Variants in PDE4D observed in about 807,000 individuals in gnomAD.
PDE4D encodes phosphodiesterase 4D, also known as 3',5'-cyclic-AMP phosphodiesterase 4D.
PDE4D carries 24 observed loss-of-function variants against 87.4 expected under a neutral mutation model. The ratio of observed to expected loss-of-function variants is 0.27; its 90% confidence interval spans 0.20 to 0.39. PDE4D has a LOEUF of 0.39. Among genes scored for constraint, PDE4D ranks in the 10% least tolerant of loss-of-function variants. PDE4D has a pLI of 1.00. For missense variants in PDE4D, 714 were observed against 1,041.0 expected (o/e 0.69, Z 4.32); for synonymous variants, 384 against 383.2 (o/e 1.00, Z -0.02).
intron 1 of PDE4D, among the ~76,000 whole-genome samples, chr5:59,793,053 TG>T (rs1406777490): frequency 2.0e-5 from 3 of 152,162 alleles, no homozygotes; most frequent in African/African-American, 4.8e-5. Flanking sequence ...GACAGTCAAA[TG>T]GAATGTCCGA....
At chr5:60,318,924 C>T (rs1755918963) in intron 1 of PDE4D, among the ~76,000 whole-genome samples, 2 of 152,106 alleles carry the variant, frequency 1.3e-5, no homozygotes, top group South Asian at 4.1e-4. Context: ...AACATTTTTT[C>T]CTTCATTTCA....
chr5:59,181,573 A>ATATATATATAT (rs1162609708), intron 4 of PDE4D, among the ~76,000 whole-genome samples: 57 of 85,172 alleles, frequency 6.7e-4, no homozygotes, highest in Middle Eastern at 5.4e-3. Context: ...TATATATATT[A>ATATATATATAT]GGTATATAAT....
chr5:59,128,080 A>C (rs1284675208), intron 5 of PDE4D, among the ~76,000 whole-genome samples: 2 of 148,508 alleles, frequency 1.3e-5, no homozygotes, highest in African/African-American at 5.0e-5. Context: ...GAGACTAGTC[A>C]ATGCTGCTTC....
At chr5:59,535,097 T>G in intron 1 of PDE4D, among the ~76,000 whole-genome samples, 1 of 150,692 alleles carries the variant, frequency 6.6e-6, no homozygotes, top group Non-Finnish European at 1.5e-5. Flanking sequence ...TCCTCTATCA[T>G]GTATCTAGCT....
At chr5:60,412,321 T>C (rs1583667923) in intron 1 of PDE4D, among the ~76,000 whole-genome samples, 1 of 152,214 alleles carries the variant, frequency 6.6e-6, no homozygotes, top group East Asian at 1.9e-4. Flanking sequence ...ATCGTTTTTA[T>C]AGACATATTT....
chr5:59,703,971 GGAGAAAGT>G (rs1317485138), intron 1 of PDE4D, among the ~76,000 whole-genome samples: 6 of 152,194 alleles, frequency 3.9e-5, no homozygotes, highest in South Asian at 4.1e-4. Flanking sequence ...AAAGAAAGAG[GGAGAAAGT>G]GAGAAAGTGA....
At chr5:59,449,213 A>C (rs6891130) in intron 1 of PDE4D, among the ~76,000 whole-genome samples, 6,170 of 152,202 alleles carry the variant, frequency 0.041, 438 homozygotes, top group African/African-American at 0.14. Flanking sequence ...TGCTTTGTAC[A>C]TGTTGCTGGG....
At chr5:60,427,310 G>A (rs1743807801) in intron 1 of PDE4D, among the ~76,000 whole-genome samples, 1 of 152,140 alleles carries the variant, frequency 6.6e-6, no homozygotes, top group Non-Finnish European at 1.5e-5. Context: ...GCATCCAGAG[G>A]AAAGACACAC....
Position 59,180,601 on chromosome 5 carries a change from T to C in PDE4D, c.802A>G (p.Ile268Val), listed in dbSNP as rs1242734289. 4 of 1,613,212 alleles carry C rather than the reference T, an allele frequency of 2.5e-6. No individual in the cohort carries two copies. The highest frequency in any genetic ancestry group is 2.5e-6 in the Non-Finnish European group (3 of 1,179,476). ...AGCTCCAGATCTTTCTTACCTGTTA[T>C]GGTGGCTTTGTTGATGGATGGTTGG... The part of the protein sequence containing the change: ...CNQPSINKAT[I>V]TEEAYQKLAS... Residue 268 changes from isoleucine to valine, a missense_variant, in exon 5 of 15, where the codon ATA (isoleucine) becomes GTA (valine). This residue lies in a region of PDE4D where 90 missense variants were observed against 177.6 expected (regional missense o/e 0.51). Coordinates refer to ENST00000340635, the MANE Select transcript of PDE4D (RefSeq NM_001104631.2).
Position 60,271,160 on chromosome 5 carries a change from G to A in PDE4D, c.-89-85473C>T, listed in dbSNP as rs1750770488. The stretch of plus-strand genomic sequence containing the variant: ...GTACTAGGTGCTGATGATACCATCA[G>A]CACATTTTCACATTTTCACACATTA... On this transcript the variant is annotated intron_variant, in intron 1 of 16. Transcript: ENST00000502484. 2.0e-5 allele frequency among the ~76,000 whole-genome samples: 3 copies of A among 152,238 alleles called. No individual in the cohort carries two copies. In the Middle Eastern group the frequency reaches 0.01, roughly 518 times the overall value.
intron 1 of PDE4D, among the ~76,000 whole-genome samples, chr5:59,807,253 C>T (rs1193928677): frequency 6.6e-6 from 1 of 152,176 alleles, no homozygotes; most frequent in East Asian, 1.9e-4. Flanking sequence ...CCAGTCCTGC[C>T]TCTTCCTTTG....
chr5:59,509,500 TATA>T (rs1303257235), intron 1 of PDE4D, among the ~76,000 whole-genome samples: 4 of 150,636 alleles, frequency 2.7e-5, no homozygotes, highest in Admixed American at 6.6e-5. Flanking sequence ...TTACTACAAC[TATA>T]ATAATAATGA....
chr5:60,520,195 T>A lies in PDE4D; in HGVS notation n.70+1856A>T, dbSNP rs1398708305. Among the ~76,000 whole-genome samples the A allele has an allele frequency of 2.0e-5, 3 of 152,192 alleles. No homozygotes were observed. In the South Asian group the frequency reaches 6.2e-4, roughly 32 times the overall value. ...ATGGGGACTACACCATACAGCCAGA[T>A]ACACTCTGGTCAACTGCCAGACTAT... On this transcript the variant is annotated intron_variant and non_coding_transcript_variant, in intron 1 of 2. Transcript: ENST00000506510.
In PDE4D at chr5:59,189,413, G is replaced by C. The variant is rs1043217087; in HGVS notation, c.684+4087C>G. 2.6e-5 allele frequency among the ~76,000 whole-genome samples: 4 copies of C among 151,836 alleles called. No individual in the cohort carries two copies. The East Asian group carries it at 7.7e-4, about 29-fold the overall frequency. ...TCTCCTTAGTCTGAATGAAGTGAGG[G>C]TTTCTCCAGGGATCCAGCATAATGC... is the stretch of plus-strand genomic sequence containing the variant. On this transcript the variant is annotated intron_variant, in intron 3 of 14. Coordinates refer to ENST00000340635, the MANE Select transcript of PDE4D (RefSeq NM_001104631.2).
At chr5:60,426,346 A>G (rs1053192146) in intron 1 of PDE4D, among the ~76,000 whole-genome samples, 2 of 152,258 alleles carry the variant, frequency 1.3e-5, no homozygotes, top group Non-Finnish European at 2.9e-5. Flanking sequence ...AATACTATGT[A>G]GCCATGAAAA....
intron 5 of PDE4D, among the ~76,000 whole-genome samples, chr5:59,138,074 A>G (rs1175360280): frequency 3.9e-5 from 6 of 152,236 alleles, no homozygotes; most frequent in African/African-American, 1.2e-4. Context: ...GTTAGTATCC[A>G]TGGCAAGAGA....
At chr5:59,762,876 T>TATAC (rs1561619028) in intron 1 of PDE4D, among the ~76,000 whole-genome samples, 2 of 132,058 alleles carry the variant, frequency 1.5e-5, no homozygotes, top group African/African-American at 2.8e-5. Flanking sequence ...TATATATATA[T>TATAC]ATATATATAT....
At chr5:59,250,321 A>T (rs1759672690) in intron 1 of PDE4D, among the ~76,000 whole-genome samples, 1 of 151,622 alleles carries the variant, frequency 6.6e-6, no homozygotes, top group Admixed American at 6.6e-5. Flanking sequence ...TACAAAAAAA[A>T]AAACAAAAAA....
intron 1 of PDE4D, among the ~76,000 whole-genome samples, chr5:59,685,427 C>G (rs1194294104): frequency 1.3e-5 from 2 of 152,168 alleles, no homozygotes; most frequent in Non-Finnish European, 2.9e-5. Context: ...ATATTATGCA[C>G]ACATGGTCTT....
Sources: allele counts gnomAD v4.1 joint callset (sites outside exome capture counted in the v4.1 genomes callset), GRCh38; gene constraint gnomAD v4.1.1; regional missense constraint gnomAD v4.1.1; transcripts MANE v1.5; gene names NCBI Gene and HGNC (gene_info 2026-07-23, HGNC 2026-07-21).